RNPEPL1: variants seen among roughly 807,000 people sequenced by gnomAD.
RNPEPL1 encodes aminopeptidase RNPEPL1.
Under a neutral mutation model 69.0 loss-of-function variants are expected in RNPEPL1, and 46 were observed. That is an observed-to-expected ratio of 0.67 (90% confidence interval 0.53 to 0.85). RNPEPL1 has a LOEUF of 0.85. Among genes scored for constraint, RNPEPL1 ranks in the 40% least tolerant of loss-of-function variants. The pLI is 0.00. For missense variants in RNPEPL1, 869 were observed against 992.5 expected (o/e 0.88, Z 1.67); for synonymous variants, 525 against 454.1 (o/e 1.16, Z -1.98).
At position 240,578,132 on chromosome 2, in the gene RNPEPL1, C is replaced by T. The variant is rs1030545633; in HGVS notation, c.*240C>T. On this transcript the variant is annotated 3_prime_UTR_variant, in exon 11 of 11. Coordinates refer to ENST00000270357, the MANE Select transcript of RNPEPL1 (RefSeq NM_018226.6). ...TGCACTGCAGGCCCTGGGGCCAGCC[C>T]GCACACACCATGCCTCCTGTCTCAA... 1 of 418,774 alleles carries T rather than the reference C, an allele frequency of 2.4e-6. No homozygotes were observed. The highest frequency in any genetic ancestry group is 3.5e-5 in the East Asian group (1 of 28,896). The allele number at this position is 418,774 out of a possible 1,614,324, so 25.9% of individuals were successfully genotyped here.
chr2:240,577,894 C>A lies in RNPEPL1; in HGVS notation c.*2C>A. ...AGGGACGTCAATGTGTCTGCCTAGC[C>A]CTGTTGGCGGGCTGACCCTCGACCT... On this transcript the variant is annotated 3_prime_UTR_variant, in exon 11 of 11. Transcript: ENST00000270357. 1 of 1,494,624 alleles carries A rather than the reference C, an allele frequency of 6.7e-7. No individual in the cohort carries two copies. Among genetic ancestry groups the A allele is most frequent in the Admixed American group, 2.2e-5 (1 of 45,896 alleles). 92.6% of individuals were successfully genotyped at this position (1,494,624 alleles called of 1,614,324 possible). A position where few individuals can be genotyped will look rare whatever the true frequency, so the allele number is the denominator to read the frequency against.
intron 4 of RNPEPL1, 94 bp from the exon 5 acceptor site, chr2:240,574,019 G>A (rs1433418232): frequency 2.8e-6 from 4 of 1,412,258 alleles, no homozygotes. Flanking sequence ...GCAGGGGCTG[G>A]GCTGATCCCT....
intron 1 of RNPEPL1, among the ~76,000 whole-genome samples, chr2:240,571,702 G>GT (rs1362940357): frequency 6.6e-6 from 1 of 151,264 alleles, no homozygotes; most frequent in Non-Finnish European, 1.5e-5. Context: ...TTGCCGGGGG[G>GT]GTGACCTTAG....
chr2:240,571,973 C>T (rs1233986749), intron 1 of RNPEPL1, among the ~76,000 whole-genome samples: 1 of 152,184 alleles, frequency 6.6e-6, no homozygotes, highest in Non-Finnish European at 1.5e-5. Context: ...CATCAGGAGG[C>T]TCTGGCTTCC....
intron 10 of RNPEPL1, among the ~76,000 whole-genome samples, chr2:240,577,372 C>T (rs1433413388): frequency 6.6e-6 from 1 of 152,240 alleles, no homozygotes; most frequent in African/African-American, 2.4e-5. Context: ...GTATGTGCTC[C>T]CTCCAGCCCA....
In RNPEPL1 at chr2:240,572,999, G is replaced by A. The variant is rs1467145360; in HGVS notation, c.670-111G>A. ...TCTCTGACAGAAACGTTCCCTGATG[G>A]GGATGTAGGGTTTCCTGCTACGAAT... On this transcript the variant is annotated intron_variant, in intron 2 of 10. Coordinates refer to ENST00000270357, the MANE Select transcript of RNPEPL1 (RefSeq NM_018226.6). The A allele has an allele frequency of 2.4e-6, 3 of 1,243,536 alleles. No homozygotes were observed. The African/African-American group carries it at 4.6e-5, about 19-fold the overall frequency. The allele number at this position is 1,243,536 out of a possible 1,614,324, so 77.0% of individuals were successfully genotyped here. A position where few individuals can be genotyped will look rare whatever the true frequency, so the allele number is the denominator to read the frequency against.
In RNPEPL1 at chr2:240,575,807, G is replaced by A. The variant is rs551694242; in HGVS notation, c.1510+197G>A. The A allele has an allele frequency of 2.4e-5, 14 of 586,120 alleles. No individual in the cohort carries two copies. The Admixed American group carries it at 3.8e-4, about 16-fold the overall frequency. The allele number at this position is 586,120 out of a possible 1,614,324, so 36.3% of individuals were successfully genotyped here. ...CAGGGCTGGGGTTGGGGGCCTCCCTGGGGCCGGTGGCACAGGCTAAGCAGG... is the reference window on the plus strand; with the variant it reads ...CAGGGCTGGGGTTGGGGGCCTCCCTAGGGCCGGTGGCACAGGCTAAGCAGG... On this transcript the variant is annotated intron_variant, in intron 8 of 10. Coordinates refer to ENST00000270357, the MANE Select transcript of RNPEPL1 (RefSeq NM_018226.6).
intron 6 of RNPEPL1, 162 bp downstream of exon 6, chr2:240,574,790 C>G (rs761358758): frequency 4.4e-6 from 3 of 688,004 alleles, no homozygotes; most frequent in Non-Finnish European, 7.5e-6. Context: ...AAGGCCTCCC[C>G]AGGCTCCCAC....
In RNPEPL1 at chr2:240,568,932, C is replaced by T. The variant is rs1242621790; in HGVS notation, c.346C>T (p.Pro116Ser). The change falls in exon 1 of 11, where the codon CCG becomes TCG. Residue 116 changes from proline (P) to serine (S), a missense_variant. Pro to Ser is a moderately conservative substitution (Grantham distance 74). Transcript: ENST00000270357. This position sits in a 1 kb window ranked among gnomAD's most constrained non-coding sequence, Gnocchi z 6.2. ...FSAPGPGPAP[P>S]PPLPAFPEAP... ...CGCCCCCGGGCCGGGGCCCGCGCCG[C>T]CGCCCCCGCTGCCCGCCTTCCCCGA... 3 of 1,338,262 alleles carry T rather than the reference C, an allele frequency of 2.2e-6. No homozygotes were observed. Among genetic ancestry groups the T allele is most frequent in the South Asian group, 1.9e-5 (1 of 52,702 alleles). The allele number at this position is 1,338,262 out of a possible 1,614,324, so 82.9% of individuals were successfully genotyped here. A position where few individuals can be genotyped will look rare whatever the true frequency, so the allele number is the denominator to read the frequency against.
intron 7 of RNPEPL1, 53 bp downstream of exon 7, chr2:240,575,195 C>A: frequency 2.1e-6 from 3 of 1,407,480 alleles, no homozygotes; most frequent in South Asian, 1.2e-5. Flanking sequence ...CCCAGCCCCT[C>A]CCCGGCTCAC....
chr2:240,572,425 C>T lies in RNPEPL1; in HGVS notation c.531C>T (p.Ile177=), dbSNP rs1346103693. 8.5e-6 allele frequency: 13 copies of T among 1,536,002 alleles called. No individual in the cohort carries two copies. The highest frequency in any genetic ancestry group is 7.8e-5 in the Admixed American group (4 of 50,982). Residue 177 remains isoleucine, a splice_region_variant and synonymous_variant, in exon 2 of 11, where the codon ATC becomes ATT. Transcript: ENST00000270357. ...CTGATGGGCCATCCTGCCCACAGAT[C>T]TGGTGGCTGGACCCAGAGCTGACCT... ...LRYTSTDAPA[I]WWLDPELTYG... is the part of the protein sequence containing the mutation.
chr2:240,569,289 C>A lies in RNPEPL1; in HGVS notation c.528+175C>A. ...AGCCCTTAGGACCCTCGGATAGAAG[C>A]CGGAGTCCTGCGGGGACACGGGACA... On this transcript the variant is annotated intron_variant, in intron 1 of 10. Coordinates refer to ENST00000270357, the MANE Select transcript of RNPEPL1 (RefSeq NM_018226.6). 3 of 685,178 alleles carry A rather than the reference C, an allele frequency of 4.4e-6. No individual in the cohort carries two copies. In the East Asian group the frequency reaches 1.1e-4, roughly 24 times the overall value. The allele number at this position is 685,178 out of a possible 1,614,324, so 42.4% of individuals were successfully genotyped here.
chr2:240,572,320 T>C (rs994096799), intron 1 of RNPEPL1, 103 bp from the exon 2 acceptor site: 13 of 1,338,614 alleles, frequency 9.7e-6, no homozygotes, highest in African/African-American at 1.5e-5. Flanking sequence ...CTGGCCATTG[T>C]CCCCTCCCAG....
chr2:240,573,941 G>A (rs564097496), intron 4 of RNPEPL1, 50 bp downstream of exon 4: 1 of 1,520,154 alleles, frequency 6.6e-7, no homozygotes, highest in Non-Finnish European at 9.0e-7. Context: ...AGGAGTCAGA[G>A]GGGGAGCCCC....
In RNPEPL1 at chr2:240,580,342, T is replaced by C. The variant is rs1195280871; in HGVS notation, c.*2450T>C. 2.6e-5 allele frequency: 4 copies of C among 152,220 alleles called. No individual in the cohort carries two copies. Among genetic ancestry groups the C allele is most frequent in the African/African-American group, 9.7e-5 (4 of 41,442 alleles). The allele number at this position is 152,220 out of a possible 1,614,324, so 9.4% of individuals were successfully genotyped here. On this transcript the variant is annotated 3_prime_UTR_variant, in exon 11 of 11. Transcript: ENST00000270357. Reference sequence around the variant, plus strand: ...GCTTTACCAAATGTTTTGCCCCACCTAACAGCCTGCCCACATTCCAAATCC... The same window carrying C: ...GCTTTACCAAATGTTTTGCCCCACCCAACAGCCTGCCCACATTCCAAATCC...
Position 240,575,097 on chromosome 2 carries a change from G to A in RNPEPL1, c.1356G>A (p.Leu452=). The A allele has an allele frequency of 6.2e-7, 1 of 1,613,818 alleles. No individual in the cohort carries two copies. The highest frequency in any genetic ancestry group is 1.1e-5 in the South Asian group (1 of 91,092). ...YEKGYCFVYY[L]SQLCGDPQRF... is the part of the protein sequence containing the mutation. ...AGGGCTACTGCTTCGTGTACTACCT[G>A]TCCCAGCTCTGCGGAGACCCACAGC... is the stretch of plus-strand genomic sequence containing the variant. The change falls in exon 7 of 11, where the codon CTG becomes CTA. Residue 452 remains leucine, a synonymous_variant. Coordinates refer to ENST00000270357, the MANE Select transcript of RNPEPL1 (RefSeq NM_018226.6).
At chr2:240,573,381 C>G in intron 3 of RNPEPL1, 120 bp downstream of exon 3, 1 of 1,233,102 alleles carries the variant, frequency 8.1e-7, no homozygotes, top group Non-Finnish European at 1.1e-6. Context: ...TCTGGGTGCT[C>G]TGGGCCAGCC....
At chr2:240,577,100 A>T in intron 10 of RNPEPL1, 110 bp downstream of exon 10, 1 of 1,403,534 alleles carries the variant, frequency 7.1e-7, no homozygotes, top group Non-Finnish European at 9.8e-7. Flanking sequence ...CACATTCTGG[A>T]GAATGGGGCG....
Position 240,573,793 on chromosome 2 carries a change from GC to G in RNPEPL1, c.842del (p.Pro281HisfsTer19). The G allele has an allele frequency of 6.5e-7, 1 of 1,546,548 alleles. No individual in the cohort carries two copies. Among genetic ancestry groups the G allele is most frequent in the Non-Finnish European group, 8.7e-7 (1 of 1,144,940 alleles). ...GCACCAGGAGCCGCGTGTGGGCCGA[GC>G]CATGCCTCCTGCCCACGGCCACCAG... ...IGPRSRVWAE[P>X]CLLPTATSKL... On this transcript the variant is annotated frameshift_variant, in exon 4 of 11. Transcript: ENST00000270357. LOFTEE classifies it high-confidence loss of function.
Sources: allele counts gnomAD v4.1 joint callset (sites outside exome capture counted in the v4.1 genomes callset), GRCh38; gene constraint gnomAD v4.1.1; non-coding constraint Gnocchi (gnomAD v3.1); transcripts MANE v1.5; gene names NCBI Gene and HGNC (gene_info 2026-07-23, HGNC 2026-07-21).